The following GALNT13 variants were observed in gnomAD, a reference collection of about 807,000 sequenced individuals.
The protein encoded by GALNT13 is polypeptide N-acetylgalactosaminyltransferase 13.
Under a neutral mutation model 64.2 loss-of-function variants are expected in GALNT13, and 28 were observed. The ratio of observed to expected loss-of-function variants is 0.44; its 90% confidence interval spans 0.32 to 0.60. The LOEUF (loss-of-function observed/expected upper bound fraction) is 0.60. GALNT13 is among the 20% of genes least tolerant of loss of function. The pLI, the probability that GALNT13 is intolerant of heterozygous loss-of-function variation, is 0.05. For missense variants in GALNT13, 577 were observed against 669.8 expected (o/e 0.86, Z 1.53); for synonymous variants, 214 against 224.6 (o/e 0.95, Z 0.42).
the GALNT13 span, among the ~76,000 whole-genome samples, chr2:153,403,724 G>A: frequency 0.55 from 83,361 of 151,688 alleles, 25,127 homozygotes; most frequent in African/African-American, 0.82. Flanking sequence ...TTTTTGACTC[G>A]GAAAGGGAAC....
chr2:153,276,975 G>C, the GALNT13 span, among the ~76,000 whole-genome samples: 5 of 152,174 alleles, frequency 3.3e-5, no homozygotes, highest in East Asian at 7.7e-4. Context: ...TTCCAGACAT[G>C]AATGTTCTTG....
chr2:153,715,530 T>C, the GALNT13 span, among the ~76,000 whole-genome samples: 3 of 152,262 alleles, frequency 2.0e-5, no homozygotes, highest in Non-Finnish European at 4.4e-5. Flanking sequence ...CAGGTTTCCA[T>C]GCCTTATATT....
chr2:153,719,091 AG>A, the GALNT13 span, among the ~76,000 whole-genome samples: 1 of 152,034 alleles, frequency 6.6e-6, no homozygotes, highest in Non-Finnish European at 1.5e-5. Flanking sequence ...AGGCACCTCA[AG>A]CCTTGATTTT....
intron 1 of GALNT13, among the ~76,000 whole-genome samples, chr2:153,891,425 G>A (rs1228971784): frequency 6.6e-6 from 1 of 151,814 alleles, no homozygotes; most frequent in African/African-American, 2.4e-5. Flanking sequence ...TATGCTTCTT[G>A]TCAAACTCAT....
At chr2:153,534,526 C>CTTT in the GALNT13 span, among the ~76,000 whole-genome samples, 2 of 138,750 alleles carry the variant, frequency 1.4e-5, no homozygotes, top group African/African-American at 5.4e-5. Context: ...TTCTTTCTTT[C>CTTT]TTTTTTTTTT....
the GALNT13 span, among the ~76,000 whole-genome samples, chr2:153,524,013 T>C: frequency 1.1e-4 from 16 of 152,164 alleles, no homozygotes; most frequent in Admixed American, 2.0e-4. Flanking sequence ...TAATCACAAA[T>C]GGGTGTTGGA....
chr2:154,375,191 T>A (rs1232918762), intron 9 of GALNT13, among the ~76,000 whole-genome samples: 1 of 143,366 alleles, frequency 7.0e-6, no homozygotes, highest in Non-Finnish European at 1.5e-5. Flanking sequence ...GGTTTCACCA[T>A]GTTAGCCAGG....
chr2:153,741,349 A>G, the GALNT13 span, among the ~76,000 whole-genome samples: 1 of 152,020 alleles, frequency 6.6e-6, no homozygotes, highest in Non-Finnish European at 1.5e-5. Flanking sequence ...GCTCTTCTCT[A>G]AATCTTTCAT....
chr2:154,088,804 A>G (rs568831479), intron 3 of GALNT13, among the ~76,000 whole-genome samples: 16 of 152,126 alleles, frequency 1.1e-4, no homozygotes, highest in Admixed American at 7.2e-4. Flanking sequence ...ACATTTTTGC[A>G]TAAAGTATCA....
the GALNT13 span, among the ~76,000 whole-genome samples, chr2:153,712,145 A>G: frequency 6.6e-6 from 1 of 152,168 alleles, no homozygotes; most frequent in Non-Finnish European, 1.5e-5. Context: ...ATTCCTGGAA[A>G]AATTATGGAA....
intron 4 of GALNT13, among the ~76,000 whole-genome samples, chr2:154,198,606 C>G (rs921636839): frequency 6.6e-6 from 1 of 151,902 alleles, no homozygotes; most frequent in Non-Finnish European, 1.5e-5. Context: ...GGGAACAAGA[C>G]TTGGAGTCCC....
chr2:154,261,319 G>C (rs1410940867), intron 8 of GALNT13, among the ~76,000 whole-genome samples: 1 of 152,040 alleles, frequency 6.6e-6, no homozygotes, highest in Non-Finnish European at 1.5e-5. Context: ...GTTTTAAAAT[G>C]TATTATTATC....
intron 9 of GALNT13, among the ~76,000 whole-genome samples, chr2:154,324,907 G>A (rs1694802741): frequency 6.6e-6 from 1 of 152,124 alleles, no homozygotes; most frequent in African/African-American, 2.4e-5. Flanking sequence ...TCCAGAAGTA[G>A]TATGTGTTTT....
At chr2:154,156,399 A>G (rs955677433) in intron 4 of GALNT13, among the ~76,000 whole-genome samples, 2 of 152,098 alleles carry the variant, frequency 1.3e-5, no homozygotes, top group African/African-American at 2.4e-5. Flanking sequence ...AGGAAGATAT[A>G]TTTTCCCCCA....
intron 2 of GALNT13, among the ~76,000 whole-genome samples, chr2:153,936,319 A>G (rs539337486): frequency 1.3e-5 from 2 of 152,350 alleles, no homozygotes; most frequent in East Asian, 3.9e-4. Context: ...TACAAATACT[A>G]TGCCATTTTA....
At chr2:153,738,418 C>G in the GALNT13 span, among the ~76,000 whole-genome samples, 1 of 151,936 alleles carries the variant, frequency 6.6e-6, no homozygotes, top group Non-Finnish European at 1.5e-5. Context: ...TGTAAACTTA[C>G]ACTTTTTATT....
rs551523715 is a variant in GALNT13, at chr2:154,274,851, G to A, written c.975+15713G>A. On this transcript the variant is annotated intron_variant, in intron 8 of 12. Transcript: ENST00000392825. ...TTAGAAGAGTTTGGAGGGATCAGAAGACAGGAAGATGTGGGAAAGTTTGGA... is the reference window on the plus strand; with the variant it reads ...TTAGAAGAGTTTGGAGGGATCAGAAAACAGGAAGATGTGGGAAAGTTTGGA... Among the ~76,000 whole-genome samples, 6 of 152,260 alleles carry A rather than the reference G, an allele frequency of 3.9e-5. No homozygotes were observed. In the South Asian group the frequency reaches 1.2e-3, roughly 32 times the overall value.
At chr2:153,698,793 A>G in the GALNT13 span, among the ~76,000 whole-genome samples, 1 of 152,248 alleles carries the variant, frequency 6.6e-6, no homozygotes, top group Non-Finnish European at 1.5e-5. Context: ...CATTCTTCTC[A>G]GTGTTACATG....
At chr2:154,246,942 G>GACTT (rs990117778) in intron 7 of GALNT13, among the ~76,000 whole-genome samples, 5 of 152,028 alleles carry the variant, frequency 3.3e-5, no homozygotes, top group Non-Finnish European at 5.9e-5. Context: ...ATTAAGTGAA[G>GACTT]ACTTACTGTA....
Sources: gnomAD v4.1 joint callset for allele counts (sites outside exome capture counted in the v4.1 genomes callset) on GRCh38, gnomAD v4.1.1 for gene constraint, MANE v1.5 for transcripts, NCBI Gene and HGNC (gene_info 2026-07-23, HGNC 2026-07-21) for gene names.